The following EPB41L3 variants were observed in gnomAD, a reference collection of about 807,000 sequenced individuals.
The protein encoded by EPB41L3 is band 4.1-like protein 3.
Under a neutral mutation model 127.1 loss-of-function variants are expected in EPB41L3, and 57 were observed. The ratio of observed to expected loss-of-function variants is 0.45; its 90% CI spans 0.36 to 0.56. The LOEUF (loss-of-function observed/expected upper bound fraction) is 0.56, where lower values mean the gene tolerates loss of function less well. EPB41L3 is among the 20% of genes least tolerant of loss of function. EPB41L3 has a pLI of 0.00. For synonymous variants in EPB41L3, 572 were observed against 549.5 expected, an observed-to-expected ratio of 1.04 and a Z score of -0.57; for missense variants, 1,273 against 1,372.2, an observed-to-expected ratio of 0.93 and a Z score of 1.14.
chr18:5,607,525 G>C (rs2094673911), intron 3 of EPB41L3, among the ~76,000 whole-genome samples: 1 of 152,176 alleles, frequency 6.6e-6, no homozygotes, highest in South Asian at 2.1e-4. Context: ...ACCTATTAGA[G>C]AAGGACTCAC....
intron 3 of EPB41L3, among the ~76,000 whole-genome samples, chr18:5,455,270 A>C (rs1481174847): frequency 6.6e-6 from 1 of 152,124 alleles, no homozygotes; most frequent in Admixed American, 6.5e-5. Context: ...AATCATAGAA[A>C]ACAAATCATA....
chr18:5,433,868 G>A, intron 7 of EPB41L3, 35 bp downstream of exon 7: 9 of 1,608,546 alleles, frequency 5.6e-6, no homozygotes, highest in Non-Finnish European at 6.8e-6. Context: ...CTCCCATCAA[G>A]GCACAACTTA....
intron 1 of EPB41L3, among the ~76,000 whole-genome samples, chr18:5,495,899 G>A (rs1162455187): frequency 1.3e-5 from 2 of 152,194 alleles, no homozygotes; most frequent in Non-Finnish European, 2.9e-5. Flanking sequence ...ATGTTGCGAA[G>A]TGAAGACAGA....
chr18:5,609,493 A>C (rs1042895540), intron 3 of EPB41L3, among the ~76,000 whole-genome samples: 2 of 152,188 alleles, frequency 1.3e-5, no homozygotes, highest in Non-Finnish European at 2.9e-5. Context: ...AAAACCACGG[A>C]GGGTCCAGTA....
At position 5,410,546 on chromosome 18, in the gene EPB41L3, C is replaced by T. The variant is rs1167393575; in HGVS notation, c.2121+20G>A. ...ATTTTCGGTATGCCACTACCAGCCA[C>T]TCTCAGCCAAAATACCAACCTCAGT... On this transcript the variant is annotated intron_variant, in intron 14 of 22. Coordinates refer to ENST00000341928, the MANE Select transcript of EPB41L3 (RefSeq NM_012307.5). 35 of 1,609,626 alleles carry T rather than the reference C, an allele frequency of 2.2e-5. No individual in the cohort carries two copies. The highest frequency in any genetic ancestry group is 2.8e-5 in the Non-Finnish European group (33 of 1,176,104).
chr18:5,627,885 G>T (rs1168936593), intron 1 of EPB41L3, among the ~76,000 whole-genome samples: 1 of 152,172 alleles, frequency 6.6e-6, no homozygotes, highest in African/African-American at 2.4e-5. Flanking sequence ...ATTCTAAGAA[G>T]ACTATTAACT....
chr18:5,495,717 A>G (rs189584506), intron 1 of EPB41L3, among the ~76,000 whole-genome samples: 2 of 152,334 alleles, frequency 1.3e-5, no homozygotes, highest in Admixed American at 6.5e-5. Context: ...AATAAATAAG[A>G]GCGCAGGGAG....
upstream of EPB41L3, chr18:5,630,233 G>C (rs1045288369): frequency 1.3e-5 from 5 of 372,744 alleles, no homozygotes; most frequent in South Asian, 1.0e-4. Flanking sequence ...GGCAGCCCCC[G>C]GTCGGGCCAG....
intron 16 of EPB41L3, chr18:5,398,422 T>A: frequency 2.2e-6 from 1 of 455,806 alleles, no homozygotes; most frequent in Non-Finnish European, 3.8e-6. Context: ...AGCAGCACTA[T>A]CACATCTTGG....
chr18:5,544,131 C>A (rs1157989883), upstream of EPB41L3: 6 of 985,400 alleles, frequency 6.1e-6, no homozygotes, highest in Non-Finnish European at 7.2e-6. Flanking sequence ...AAGCCAACCT[C>A]GTCCTGCCTG....
chr18:5,529,636 C>T (rs2148911772), intron 1 of EPB41L3, among the ~76,000 whole-genome samples: 1 of 152,338 alleles, frequency 6.6e-6, no homozygotes, highest in East Asian at 1.9e-4. Flanking sequence ...TCAAGAACCA[C>T]AGTGAACACT....
chr18:5,559,236 T>C (rs1459826618), intron 3 of EPB41L3, among the ~76,000 whole-genome samples: 2 of 152,234 alleles, frequency 1.3e-5, no homozygotes, highest in Non-Finnish European at 2.9e-5. Context: ...AATGTTCTTA[T>C]ATCATTAAGT....
intron 12 of EPB41L3, among the ~76,000 whole-genome samples, chr18:5,416,864 C>A (rs535956188): frequency 9.0e-4 from 136 of 151,482 alleles, no homozygotes; most frequent in East Asian, 2.9e-3. Flanking sequence ...AAAAAAAAAA[C>A]CAATCTCTAG....
chr18:5,444,029 C>T lies in EPB41L3; in HGVS notation c.487-149G>A, dbSNP rs2081145748. ...TGTGGTCCTTCCCCCACATCTGGTG[C>T]CCCTCTGCCAAGCCCTCCAAGGGCC... On this transcript the variant is annotated intron_variant, in intron 4 of 22. Coordinates refer to ENST00000341928, the MANE Select transcript of EPB41L3 (RefSeq NM_012307.5). 8 of 638,484 alleles carry T rather than the reference C, an allele frequency of 1.3e-5. No homozygotes were observed. In the South Asian group the frequency reaches 1.5e-4, roughly 12 times the overall value. The allele number at this position is 638,484 out of a possible 1,614,324, so 39.6% of individuals were successfully genotyped here.
intron 2 of EPB41L3, among the ~76,000 whole-genome samples, chr18:5,613,375 T>G (rs2094752654): frequency 6.6e-6 from 1 of 152,256 alleles, no homozygotes; most frequent in Non-Finnish European, 1.5e-5. Flanking sequence ...GCCTGCCTCT[T>G]GGCAGTAATG....
intron 2 of EPB41L3, among the ~76,000 whole-genome samples, chr18:5,488,349 G>C (rs2090121367): frequency 6.6e-6 from 1 of 151,920 alleles, no homozygotes; most frequent in African/African-American, 2.4e-5. Context: ...TCACTCATAA[G>C]TGGGAGTCGA....
At chr18:5,418,528 C>T (rs1229794127) in intron 12 of EPB41L3, among the ~76,000 whole-genome samples, 2 of 152,106 alleles carry the variant, frequency 1.3e-5, no homozygotes, top group Non-Finnish European at 2.9e-5. Flanking sequence ...TTTCTGTCCC[C>T]TTTAAAGCCT....
chr18:5,538,910 G>A (rs1308706908), intron 1 of EPB41L3, among the ~76,000 whole-genome samples: 2 of 151,554 alleles, frequency 1.3e-5, no homozygotes, highest in South Asian at 4.2e-4. Flanking sequence ...AGAGGACCAC[G>A]CCATTAAAAA....
At chr18:5,406,078 C>T (rs2075335028) in intron 16 of EPB41L3, among the ~76,000 whole-genome samples, 1 of 151,812 alleles carries the variant, frequency 6.6e-6, no homozygotes, top group Non-Finnish European at 1.5e-5. Flanking sequence ...TGGCAAAACC[C>T]CGTCTCTATT....
Sources: allele counts gnomAD v4.1 joint callset (sites outside exome capture counted in the v4.1 genomes callset), GRCh38; gene constraint gnomAD v4.1.1; transcripts MANE v1.5; gene names NCBI Gene and HGNC (gene_info 2026-07-23, HGNC 2026-07-21).